CENPB: variants seen among roughly 807,000 people sequenced by gnomAD.
The protein encoded by CENPB is major centromere autoantigen B.
Under a neutral mutation model 41.9 loss-of-function variants are expected in CENPB, and 19 were observed. That is an observed-to-expected ratio of 0.45 (90% confidence interval 0.32 to 0.67). The LOEUF (loss-of-function observed/expected upper bound fraction) is 0.67. Among genes scored for constraint, CENPB ranks in the 30% least tolerant of loss-of-function variants. The pLI, the probability that CENPB is intolerant of heterozygous loss-of-function variation, is 0.04. For synonymous variants in CENPB, 399 were observed against 354.4 expected, an observed-to-expected ratio of 1.13 and a Z score of -1.41; for missense variants, 614 against 816.2, an observed-to-expected ratio of 0.75 and a Z score of 3.02.
Position 3,784,539 on chromosome 20 carries a change from C to T in CENPB, c.*145G>A. The T allele has an allele frequency of 1.1e-5, 10 of 946,770 alleles. No individual in the cohort carries two copies. Among genetic ancestry groups the T allele is most frequent in the Non-Finnish European group, 9.5e-6 (6 of 630,360 alleles). The allele number at this position is 946,770 out of a possible 1,614,324, so 58.6% of individuals were successfully genotyped here. A position where few individuals can be genotyped will look rare whatever the true frequency, so the allele number is the denominator to read the frequency against. On this transcript the variant is annotated 3_prime_UTR_variant, in exon 1 of 1. Transcript: ENST00000379751. This position sits in a 1 kb window ranked among gnomAD's most constrained non-coding sequence, Gnocchi z 5.2. ...CAGCCCCGGGCCCGGCCGAGGTGAC[C>T]GGGCCTGTTGCAGGACCAGGGGAAG...
chr20:3,784,733 T>C lies in CENPB; in HGVS notation c.1751A>G (p.Lys584Arg), dbSNP rs2088801603. 1.2e-6 allele frequency: 2 copies of C among 1,614,176 alleles called. No homozygotes were observed. The highest frequency in any genetic ancestry group is 2.7e-5 in the African/African-American group (2 of 75,052). The change falls in exon 1 of 1, where the codon AAG becomes AGG. Residue 584 changes from lysine (K) to arginine (R), a missense_variant. Physicochemically the swap from Lys to Arg is conservative, Grantham distance 26. This residue lies in a region of CENPB where 537 missense variants were observed against 629.4 expected (regional missense o/e 0.85). Coordinates refer to ENST00000379751, the MANE Select transcript of CENPB (RefSeq NM_001810.6). This position sits in a 1 kb window ranked among gnomAD's most constrained non-coding sequence, Gnocchi z 5.2. ...LEHDLVHVTR[K>R]NHARQAGVRG... is the part of the protein sequence containing the mutation. ...AACTCCCGCCTGCCTGGCGTGGTTC[T>C]TCCTGGTCACATGAACCAGATCGTG...
At position 3,785,699 on chromosome 20, in the gene CENPB, G is replaced by C; in HGVS notation, c.785C>G (p.Thr262Ser). 1 of 1,609,046 alleles carries C rather than the reference G, an allele frequency of 6.2e-7. No individual in the cohort carries two copies. Among genetic ancestry groups the C allele is most frequent in the East Asian group, 2.2e-5 (1 of 44,736 alleles). ...GGTGACACCACCCTTGGAGTTGGCGGTGTAGTCGCAGGGCAGGCCGGCTTG... is the reference window on the plus strand; with the variant it reads ...GGTGACACCACCCTTGGAGTTGGCGCTGTAGTCGCAGGGCAGGCCGGCTTG... ...AGQAGLPCDY[T>S]ANSKGGVTTQ... is the part of the protein sequence containing the mutation. Residue 262 changes from threonine to serine, a missense_variant, in exon 1 of 1, where the codon ACC (threonine) becomes AGC (serine). Coordinates refer to ENST00000379751, the MANE Select transcript of CENPB (RefSeq NM_001810.6).
Position 3,786,496 on chromosome 20 carries a change from C to G in CENPB, c.-13G>C, listed in dbSNP as rs567385184. The stretch of plus-strand genomic sequence containing the variant: ...TCTTGGGGCCCATCCCGGCGCGCCC[C>G]CCGCCCCGGGGCCCGGCGCCGCCGC... On this transcript the variant is annotated 5_prime_UTR_variant, in exon 1 of 1. Transcript: ENST00000379751. 3 of 1,172,308 alleles carry G rather than the reference C, an allele frequency of 2.6e-6. No homozygotes were observed. Among genetic ancestry groups the G allele is most frequent in the East Asian group, 4.1e-5 (1 of 24,522 alleles). 72.6% of individuals were successfully genotyped at this position (1,172,308 alleles called of 1,614,324 possible).
chr20:3,785,278 CTT>C lies in CENPB; in HGVS notation c.1204_1205del (p.Lys402GlufsTer2). The C allele has an allele frequency of 6.3e-7, 1 of 1,590,466 alleles. No homozygotes were observed. The highest frequency in any genetic ancestry group is 8.5e-7 in the Non-Finnish European group (1 of 1,170,582). On this transcript the variant is annotated frameshift_variant, in exon 1 of 1. Transcript: ENST00000379751. LOFTEE classifies it high-confidence loss of function. The stretch of plus-strand genomic sequence containing the variant: ...CCTCCTCCTCTTCCTCTCCCTCACT[CTT>C]GAGGGAAGTGGTGATGGTGGCATTA... ...GPNATITTSL[K>X]SEGEEEEEEE...
Position 3,786,553 on chromosome 20 carries a change from GGCGGGGGGCACCTGGCGGCCTCTCCC to G in CENPB, c.-96_-71del. ...CCCGGGGCGGGGGGCCCGGGCCCGT[GGCGGGGGGCACCTGGCGGCCTCTCCC>G]GCGCGCCCCGCCCGAGACAAAGCGG... On this transcript the variant is annotated 5_prime_UTR_variant, in exon 1 of 1. Transcript: ENST00000379751. 2.5e-6 allele frequency: 1 copy of G among 399,032 alleles called. No homozygotes were observed. Among genetic ancestry groups the G allele is most frequent in the Non-Finnish European group, 3.3e-6 (1 of 298,596 alleles). The allele number at this position is 399,032 out of a possible 1,614,324, so 24.7% of individuals were successfully genotyped here.
In CENPB at chr20:3,785,138, TCCA is replaced by T; in HGVS notation, c.1343_1345del (p.Val448del). ...ATCACTATCAACATCACCCTCCTCCTCCACCTCCTCTTCCTCCCCCAATTCCTC... is the reference window on the plus strand; with the variant it reads ...ATCACTATCAACATCACCCTCCTCCTCCTCCTCTTCCTCCCCCAATTCCTC... On this transcript the variant is annotated inframe_deletion, in exon 1 of 1. Coordinates refer to ENST00000379751, the MANE Select transcript of CENPB (RefSeq NM_001810.6). 1 of 1,588,914 alleles carries T rather than the reference TCCA, an allele frequency of 6.3e-7. No homozygotes were observed. The highest frequency in any genetic ancestry group is 8.6e-7 in the Non-Finnish European group (1 of 1,166,624).
chr20:3,785,737 C>T lies in CENPB; in HGVS notation c.747G>A (p.Lys249=), dbSNP rs2088816993. 1 of 1,607,516 alleles carries T rather than the reference C, an allele frequency of 6.2e-7. No individual in the cohort carries two copies. Among genetic ancestry groups the T allele is most frequent in the African/African-American group, 1.3e-5 (1 of 74,728 alleles). ...LPPLVAGKSA[K]PRAGQAGLPC... is the part of the protein sequence containing the mutation. ...GCAGGCCGGCTTGGCCTGCGCGGGGCTTGGCCGACTTGCCGGCCACCAGCG... is the reference window on the plus strand; with the variant it reads ...GCAGGCCGGCTTGGCCTGCGCGGGGTTTGGCCGACTTGCCGGCCACCAGCG... Residue 249 remains lysine, a synonymous_variant, in exon 1 of 1, where the codon AAG becomes AAA. Transcript: ENST00000379751.
rs766287107 is a variant in CENPB, at chr20:3,784,786, G to A, written c.1698C>T (p.Arg566=). ...CCAAGTGGAGGATGTGGCTCTGCACGCGGTCATCAATGGGGAAGGAGGTCA... is the reference window on the plus strand; with the variant it reads ...CCAAGTGGAGGATGTGGCTCTGCACACGGTCATCAATGGGGAAGGAGGTCA... ...RYLTSFPIDD[R]VQSHILHLEH... Residue 566 remains arginine (R), a synonymous_variant, in exon 1 of 1, where the codon CGC becomes CGT. Transcript: ENST00000379751. The surrounding 1 kb of genome is among the most constrained non-coding windows in gnomAD (Gnocchi z 5.2). 1.7e-5 allele frequency: 28 copies of A among 1,614,040 alleles called. No individual in the cohort carries two copies. In the African/African-American group the frequency reaches 2.4e-4, roughly 14 times the overall value.
chr20:3,786,485 C>T lies in CENPB; in HGVS notation c.-2G>A, dbSNP rs2088826123. 7.4e-7 allele frequency: 1 copy of T among 1,342,906 alleles called. No individual in the cohort carries two copies. Among genetic ancestry groups the T allele is most frequent in the Non-Finnish European group, 9.8e-7 (1 of 1,024,642 alleles). The allele number at this position is 1,342,906 out of a possible 1,614,324, so 83.2% of individuals were successfully genotyped here. On this transcript the variant is annotated 5_prime_UTR_variant, in exon 1 of 1. Coordinates refer to ENST00000379751, the MANE Select transcript of CENPB (RefSeq NM_001810.6). Reference sequence around the variant, plus strand: ...CAGCTGTCGCCTCTTGGGGCCCATCCCGGCGCGCCCCCCGCCCCGGGGCCC... The same window carrying T: ...CAGCTGTCGCCTCTTGGGGCCCATCTCGGCGCGCCCCCCGCCCCGGGGCCC...
Position 3,784,618 on chromosome 20 carries a change from CAG to C in CENPB, c.*64_*65del, listed in dbSNP as rs2088800879. On this transcript the variant is annotated 3_prime_UTR_variant, in exon 1 of 1. Transcript: ENST00000379751. This position sits in a 1 kb window ranked among gnomAD's most constrained non-coding sequence, Gnocchi z 5.2. ...TCTGGCTCCATGCACAGCGGGTGCC[CAG>C]AGAGTCCTCTGCCCTGGGGTGGTGC... 1.0e-5 allele frequency: 16 copies of C among 1,572,964 alleles called. No homozygotes were observed. Among genetic ancestry groups the C allele is most frequent in the Non-Finnish European group, 1.4e-5 (16 of 1,154,220 alleles).
In CENPB at chr20:3,786,306, C is replaced by G. The variant is rs1568495766; in HGVS notation, c.178G>C (p.Gly60Arg). The G allele has an allele frequency of 6.2e-7, 1 of 1,607,418 alleles. No homozygotes were observed. Among genetic ancestry groups the G allele is most frequent in the Non-Finnish European group, 8.5e-7 (1 of 1,179,694 alleles). The change falls in exon 1 of 1, where the codon GGG becomes CGG. Residue 60 changes from glycine (G) to arginine (R), a missense_variant. Physicochemically the swap from Gly to Arg is moderately radical, Grantham distance 125 (BLOSUM62 -2). Around this residue, in one of 2 missense-constraint regions of CENPB, gnomAD observed 77 missense variants for 186.8 expected, o/e 0.41. Coordinates refer to ENST00000379751, the MANE Select transcript of CENPB (RefSeq NM_001810.6). ...GTCTTGCGGCAGGTGGAGGCCACCCCGTACTTGCGCTCCGACGCCAGGATG... is the reference window on the plus strand; with the variant it reads ...GTCTTGCGGCAGGTGGAGGCCACCCGGTACTTGCGCTCCGACGCCAGGATG... ...RAILASERKY[G>R]VASTCRKTNK...
In CENPB at chr20:3,785,853, G is replaced by C; in HGVS notation, c.631C>G (p.Leu211Val). ...CGCGGCCGTCCGTCGCCTCCGCACA[G>C]CCCCGCGGCCTGGTCGGGCAGGAAG... is the stretch of plus-strand genomic sequence containing the variant. ...YDFLPDQAAG[L>V]CGGDGRPRQA... The change falls in exon 1 of 1, where the codon CTG (leucine) becomes GTG (valine). Residue 211 changes from leucine to valine, a missense_variant. By Grantham distance (32) the Leu-to-Val change is conservative. This residue lies in a region of CENPB where 537 missense variants were observed against 629.4 expected (regional missense o/e 0.85). Coordinates refer to ENST00000379751, the MANE Select transcript of CENPB (RefSeq NM_001810.6). The C allele has an allele frequency of 6.2e-7, 1 of 1,608,786 alleles. No homozygotes were observed. The highest frequency in any genetic ancestry group is 8.5e-7 in the Non-Finnish European group (1 of 1,178,404).
chr20:3,785,902 G>T lies in CENPB; in HGVS notation c.582C>A (p.Ala194=). 6.2e-7 allele frequency: 1 copy of T among 1,607,146 alleles called. No homozygotes were observed. ...EGYASQDVFS[A]TETSLWYDFL... ...AGTCGTACCATAGACTGGTCTCGGT[G>T]GCGCTGAACACGTCCTGCGAGGCGT... is the stretch of plus-strand genomic sequence containing the variant. The change falls in exon 1 of 1, where the codon GCC becomes GCA. Residue 194 remains alanine (A), a synonymous_variant. Coordinates refer to ENST00000379751, the MANE Select transcript of CENPB (RefSeq NM_001810.6).
chr20:3,786,558 G>A lies in CENPB; in HGVS notation c.-75C>T. The A allele has an allele frequency of 7.9e-6, 3 of 377,838 alleles. No homozygotes were observed. Among genetic ancestry groups the A allele is most frequent in the South Asian group, 1.0e-4 (1 of 9,792 alleles). 23.4% of individuals were successfully genotyped at this position (377,838 alleles called of 1,614,324 possible). On this transcript the variant is annotated 5_prime_UTR_variant, in exon 1 of 1. Coordinates refer to ENST00000379751, the MANE Select transcript of CENPB (RefSeq NM_001810.6). Reference sequence around the variant, plus strand: ...GGCGGGGGGCCCGGGCCCGTGGCGGGGGGCACCTGGCGGCCTCTCCCGCGC... The same window carrying A: ...GGCGGGGGGCCCGGGCCCGTGGCGGAGGGCACCTGGCGGCCTCTCCCGCGC...
In CENPB at chr20:3,786,645, G is replaced by A. The variant is rs1387690302; in HGVS notation, c.-162C>T. 1 of 147,540 alleles carries A rather than the reference G, an allele frequency of 6.8e-6. No individual in the cohort carries two copies. The highest frequency in any genetic ancestry group is 1.5e-5 in the Non-Finnish European group (1 of 67,518). The allele number at this position is 147,540 out of a possible 1,614,324, so 9.1% of individuals were successfully genotyped here. A position where few individuals can be genotyped will look rare whatever the true frequency, so the allele number is the denominator to read the frequency against. On this transcript the variant is annotated 5_prime_UTR_variant, in exon 1 of 1. Coordinates refer to ENST00000379751, the MANE Select transcript of CENPB (RefSeq NM_001810.6). ...GCGGGGCGACGACCCGGCCGGGCCG[G>A]GGGCACCTCCGGGGACGCCGGCGGG...
Position 3,786,488 on chromosome 20 carries a change from GCGC to G in CENPB, c.-8_-6del. ...CTGTCGCCTCTTGGGGCCCATCCCG[GCGC>G]GCCCCCCGCCCCGGGGCCCGGCGCC... On this transcript the variant is annotated 5_prime_UTR_variant, in exon 1 of 1. Transcript: ENST00000379751. 8 of 1,327,844 alleles carry G rather than the reference GCGC, an allele frequency of 6.0e-6. No individual in the cohort carries two copies. The highest frequency in any genetic ancestry group is 2.2e-5 in the Admixed American group (1 of 45,590). 82.3% of individuals were successfully genotyped at this position (1,327,844 alleles called of 1,614,324 possible).
At position 3,784,692 on chromosome 20, in the gene CENPB, G is replaced by A. The variant is rs1279570028; in HGVS notation, c.1792C>T (p.Gln598Ter). The change falls in exon 1 of 1, where the codon CAA (glutamine) becomes TAA (stop). Residue 598 changes from glutamine (Q) to a stop codon, truncating the protein, a stop_gained. Transcript: ENST00000379751. LOFTEE classifies it high-confidence loss of function. This position sits in a 1 kb window ranked among gnomAD's most constrained non-coding sequence, Gnocchi z 5.2. ...CAGCTAGGTCCAGTGACTCAGCTTT[G>A]ATGTCCAAGACCTCGAACTCCCGCC... is the stretch of plus-strand genomic sequence containing the variant. ...RQAGVRGLGH[Q>*]S 6.2e-7 allele frequency: 1 copy of A among 1,613,970 alleles called. No individual in the cohort carries two copies. Among genetic ancestry groups the A allele is most frequent in the Admixed American group, 1.7e-5 (1 of 59,996 alleles).
In CENPB at chr20:3,784,723, G is replaced by A. The variant is rs1161620720; in HGVS notation, c.1761C>T (p.Ala587=). ...CAAGACCTCGAACTCCCGCCTGCCT[G>A]GCGTGGTTCTTCCTGGTCACATGAA... ...DLVHVTRKNH[A]RQAGVRGLGH... The change falls in exon 1 of 1, where the codon GCC becomes GCT. Residue 587 remains alanine (A), a synonymous_variant. Coordinates refer to ENST00000379751, the MANE Select transcript of CENPB (RefSeq NM_001810.6). The surrounding 1 kb of genome is among the most constrained non-coding windows in gnomAD (Gnocchi z 5.2). 1 of 1,614,060 alleles carries A rather than the reference G, an allele frequency of 6.2e-7. No homozygotes were observed. Among genetic ancestry groups the A allele is most frequent in the Non-Finnish European group, 8.5e-7 (1 of 1,180,036 alleles).
At position 3,785,896 on chromosome 20, in the gene CENPB, C is replaced by A; in HGVS notation, c.588G>T (p.Glu196Asp). Residue 196 changes from glutamate (E) to aspartate (D), a missense_variant, in exon 1 of 1, where the codon GAG becomes GAT. This residue lies in a region of CENPB where 537 missense variants were observed against 629.4 expected (regional missense o/e 0.85). Transcript: ENST00000379751. ...GCAGGAAGTCGTACCATAGACTGGT[C>A]TCGGTGGCGCTGAACACGTCCTGCG... ...YASQDVFSAT[E>D]TSLWYDFLPD... 6.2e-7 allele frequency: 1 copy of A among 1,607,458 alleles called. No individual in the cohort carries two copies.
Sources: allele counts gnomAD v4.1 joint callset, GRCh38; gene constraint gnomAD v4.1.1; regional missense constraint gnomAD v4.1.1; non-coding constraint Gnocchi (gnomAD v3.1); transcripts MANE v1.5; gene names NCBI Gene and HGNC (gene_info 2026-07-23, HGNC 2026-07-21).